The following RIMS3 variants were observed in gnomAD, a reference collection of about 807,000 sequenced individuals.
RIMS3 encodes regulating synaptic membrane exocytosis protein 3.
RIMS3 carries 15 observed loss-of-function variants against 29.2 expected under a neutral mutation model. The ratio of observed to expected loss-of-function variants is 0.51; its 90% confidence interval spans 0.34 to 0.79. The LOEUF (loss-of-function observed/expected upper bound fraction) is 0.79, where lower values mean the gene tolerates loss of function less well. Ranked by LOEUF, RIMS3 falls within the 30% of genes least tolerant of loss-of-function variation. The probability of loss-of-function intolerance (pLI) is 0.01; values close to 1 mark genes in which losing one functional copy is unlikely to be tolerated. For missense variants in RIMS3, 342 were observed against 421.4 expected (o/e 0.81, Z 1.65); for synonymous variants, 161 against 170.1 (o/e 0.95, Z 0.41).
In RIMS3 at chr1:40,635,973, C is replaced by T. The variant is rs775464516; in HGVS notation, c.302G>A (p.Arg101His). 1.8e-5 allele frequency: 29 copies of T among 1,611,362 alleles called. No individual in the cohort carries two copies. Among genetic ancestry groups the T allele is most frequent in the Non-Finnish European group, 2.4e-5 (28 of 1,179,980 alleles). The change falls in exon 4 of 8, where the codon CGC (arginine) becomes CAC (histidine). Residue 101 changes from arginine to histidine, a missense_variant. By Grantham distance (29) the Arg-to-His change is conservative. Coordinates refer to ENST00000372684, the MANE Select transcript of RIMS3 (RefSeq NM_014747.3). The surrounding 1 kb of genome is among the most constrained non-coding windows in gnomAD (Gnocchi z 4.1). ...IAVEMRSRVT[R>H]QGSRESTDGS... ...ATCGGTGGACTCCCGGCTGCCCTGG[C>T]GTGTGACCCGGCTCCGCATCTCCAC... is the stretch of plus-strand genomic sequence containing the variant.
At chr1:40,645,822 G>T (rs528668789) in intron 2 of RIMS3, among the ~76,000 whole-genome samples, 1 of 152,274 alleles carries the variant, frequency 6.6e-6, no homozygotes, top group South Asian at 2.1e-4. Flanking sequence ...AGTTGGTTTG[G>T]CATCAAGGTC....
chr1:40,659,526 T>C (rs1028640542), intron 1 of RIMS3, among the ~76,000 whole-genome samples: 12 of 152,158 alleles, frequency 7.9e-5, no homozygotes, highest in African/African-American at 2.7e-4. Context: ...CCTTCATTCA[T>C]CTAACAGCTC....
chr1:40,691,612 C>A, the RIMS3 span: 1 of 374,160 alleles, frequency 2.7e-6, no homozygotes, highest in Non-Finnish European at 5.5e-6. Context: ...CTTCCCAATT[C>A]TCGCGAGACC....
the RIMS3 span, chr1:40,690,575 G>T: frequency 6.6e-6 from 1 of 152,344 alleles, no homozygotes; most frequent in Admixed American, 6.5e-5. Context: ...GAAGTCAAGT[G>T]TCTTATAGTT....
At chr1:40,645,733 G>C (rs112068714) in intron 2 of RIMS3, among the ~76,000 whole-genome samples, 2,372 of 152,238 alleles carry the variant, frequency 0.016, 27 homozygotes, top group Middle Eastern at 0.024. Flanking sequence ...AAAAGGGAAG[G>C]GGGTAAGGGA....
chr1:40,671,510 C>A, the RIMS3 span, among the ~76,000 whole-genome samples: 1 of 152,078 alleles, frequency 6.6e-6, no homozygotes, highest in African/African-American at 2.4e-5. Context: ...AGCACCATCC[C>A]CTTGGTGCTC....
At chr1:40,632,418 TTATATATATATATATATATATATATA>T (rs56394507) in intron 5 of RIMS3, among the ~76,000 whole-genome samples, 78 of 87,994 alleles carry the variant, frequency 8.9e-4, no homozygotes, top group African/African-American at 2.3e-3. Context: ...ACATATAAAT[TTATATATATATATATATATATATATA>T]TATATATATA....
chr1:40,623,823 C>T lies in RIMS3; in HGVS notation c.*2694G>A. On this transcript the variant is annotated 3_prime_UTR_variant, in exon 8 of 8. Coordinates refer to ENST00000372684, the MANE Select transcript of RIMS3 (RefSeq NM_014747.3). ...AGAAACAGACCCTTAAGTGCAGCCA[C>T]ACTGCATCACACAGACGTGTCAGCC... The T allele has an allele frequency of 3.1e-6, 1 of 319,740 alleles. No homozygotes were observed. 19.8% of individuals were successfully genotyped at this position (319,740 alleles called of 1,614,324 possible).
At chr1:40,664,545 C>T (rs922463585) in intron 1 of RIMS3, among the ~76,000 whole-genome samples, 2 of 152,184 alleles carry the variant, frequency 1.3e-5, no homozygotes, top group Non-Finnish European at 2.9e-5. Context: ...CACATATTCA[C>T]CCAGGTGTCC....
At chr1:40,691,535 T>C in the RIMS3 span, 22 of 299,626 alleles carry the variant, frequency 7.3e-5, no homozygotes, top group African/African-American at 5.2e-4. Flanking sequence ...AACTCAGATC[T>C]CGAGCTCCCG....
intron 3 of RIMS3, among the ~76,000 whole-genome samples, chr1:40,638,942 T>C (rs1646538824): frequency 6.6e-6 from 1 of 152,176 alleles, no homozygotes; most frequent in Admixed American, 6.5e-5. Flanking sequence ...AAGTCCACTC[T>C]AGGGCAACAA....
the RIMS3 span, among the ~76,000 whole-genome samples, chr1:40,682,272 G>T: frequency 6.6e-6 from 1 of 152,136 alleles, no homozygotes; most frequent in Admixed American, 6.5e-5. Context: ...TACCTATTAT[G>T]GTACCAGGCA....
At chr1:40,661,738 G>C (rs758788100) in intron 1 of RIMS3, among the ~76,000 whole-genome samples, 1 of 152,252 alleles carries the variant, frequency 6.6e-6, no homozygotes. Context: ...TGAGGACACA[G>C]AAGTTCAGAG....
chr1:40,686,729 C>CT, the RIMS3 span, among the ~76,000 whole-genome samples: 1,389 of 152,286 alleles, frequency 9.1e-3, 10 homozygotes, highest in South Asian at 0.026. Flanking sequence ...TGGTCAAGTC[C>CT]TTACAATCTT....
the RIMS3 span, among the ~76,000 whole-genome samples, chr1:40,688,028 G>A: frequency 1.3e-5 from 2 of 152,116 alleles, no homozygotes; most frequent in African/African-American, 2.4e-5. Flanking sequence ...GCAATGGTGC[G>A]ATCTCGGCTC....
chr1:40,667,626 A>C (rs543618229), upstream of RIMS3, among the ~76,000 whole-genome samples: 36 of 152,334 alleles, frequency 2.4e-4, no homozygotes, highest in African/African-American at 8.7e-4. Context: ...GTTGATTCTT[A>C]AGTGTATATA....
chr1:40,679,539 G>T, the RIMS3 span, among the ~76,000 whole-genome samples: 1 of 152,176 alleles, frequency 6.6e-6, no homozygotes, highest in Non-Finnish European at 1.5e-5. Flanking sequence ...ATTTGCACTC[G>T]TCATCTGCTT....
chr1:40,657,317 C>A (rs1283665884), intron 1 of RIMS3, among the ~76,000 whole-genome samples: 1 of 152,144 alleles, frequency 6.6e-6, no homozygotes, highest in Admixed American at 6.5e-5. Context: ...AGGATGGTAA[C>A]CTGCTATCTG....
At chr1:40,674,759 T>C in the RIMS3 span, among the ~76,000 whole-genome samples, 14 of 152,194 alleles carry the variant, frequency 9.2e-5, no homozygotes, top group African/African-American at 2.9e-4. Context: ...CCTGCTGCCA[T>C]GGAATACACA....
Sources: allele counts gnomAD v4.1 joint callset (sites outside exome capture counted in the v4.1 genomes callset), GRCh38; gene constraint gnomAD v4.1.1; non-coding constraint Gnocchi (gnomAD v3.1); transcripts MANE v1.5; gene names NCBI Gene and HGNC (gene_info 2026-07-23, HGNC 2026-07-21).